Variants in GDF5 observed in about 807,000 individuals in gnomAD.
GDF5 encodes the protein growth differentiation factor 5.
In GDF5, 17 loss-of-function variants were observed where a neutral mutation model predicts 34.6. The observed-to-expected ratio is 0.49, with a 90% confidence interval of 0.34 to 0.74. GDF5 has a LOEUF of 0.74. Among genes scored for constraint, GDF5 ranks in the 30% least tolerant of loss-of-function variants. The pLI is 0.01. For missense variants in GDF5, 616 were observed against 661.2 expected (o/e 0.93, Z 0.75); for synonymous variants, 332 against 290.7 (o/e 1.14, Z -1.44).
upstream of GDF5, among the ~76,000 whole-genome samples, chr20:35,439,516 C>T (rs373469423): frequency 1.3e-5 from 2 of 152,120 alleles, no homozygotes; most frequent in Admixed American, 1.3e-4. Context: ...CGTGAGCCAC[C>T]GCGCCGGGCA....
In GDF5 at chr20:35,454,452, CAAA is replaced by C. The variant is rs5841211; in HGVS notation, c.-398+185_-398+187del. The stretch of plus-strand genomic sequence containing the variant: ...CTGGCGACAGAGCAAGACTCCATTT[CAAA>C]AAAAAAAAAAAAAATTTATACACAA... On this transcript the variant is annotated intron_variant, in intron 1 of 3. Transcript: ENST00000374372. Among the ~76,000 whole-genome samples, 129 of 103,294 alleles carry C rather than the reference CAAA, an allele frequency of 1.2e-3. 1 individual carries two copies. Among genetic ancestry groups the C allele is most frequent in the Non-Finnish European group, 1.1e-3 (54 of 48,202 alleles). The allele number at this position is 103,294 out of a possible 152,430, so 67.8% of individuals were successfully genotyped here. A position where few individuals can be genotyped will look rare whatever the true frequency, so the allele number is the denominator to read the frequency against.
At chr20:35,445,607 T>TGA (rs967828952) in intron 1 of GDF5, among the ~76,000 whole-genome samples, 83 of 151,930 alleles carry the variant, frequency 5.5e-4, no homozygotes, top group African/African-American at 1.9e-3. Flanking sequence ...GAGGTTGCAG[T>TGA]GAGCTGAGAT....
Position 35,433,899 on chromosome 20 carries a change from G to A in GDF5, c.*10C>T. The A allele has an allele frequency of 6.2e-7, 1 of 1,610,704 alleles. No homozygotes were observed. Among genetic ancestry groups the A allele is most frequent in the Non-Finnish European group, 8.5e-7 (1 of 1,176,924 alleles). ...GATGTGCCACCCAGGAAGACAGAGGGCCAGTGCTGCTACCTGCAGCCACAC... is the reference window on the plus strand; with the variant it reads ...GATGTGCCACCCAGGAAGACAGAGGACCAGTGCTGCTACCTGCAGCCACAC... On this transcript the variant is annotated 3_prime_UTR_variant, in exon 2 of 2. Coordinates refer to ENST00000374369, the MANE Select transcript of GDF5 (RefSeq NM_000557.5).
At chr20:35,451,299 G>C (rs889173631) in intron 1 of GDF5, among the ~76,000 whole-genome samples, 1 of 151,736 alleles carries the variant, frequency 6.6e-6, no homozygotes, top group African/African-American at 2.4e-5. Flanking sequence ...TCTAGAGATG[G>C]AATTTAGGAT....
chr20:35,435,185 T>C, intron 1 of GDF5: 1 of 450,820 alleles, frequency 2.2e-6, no homozygotes, highest in Non-Finnish European at 4.1e-6. Context: ...GCACAGTGGC[T>C]CACACCTGCA....
chr20:35,444,993 C>G (rs1463527911), intron 1 of GDF5, among the ~76,000 whole-genome samples: 2 of 152,200 alleles, frequency 1.3e-5, no homozygotes, highest in African/African-American at 4.8e-5. Context: ...CTCAGCCTCC[C>G]AAAGCGCTGG....
In GDF5 at chr20:35,434,518, G is replaced by T; in HGVS notation, c.897C>A (p.Leu299=). 1 of 1,605,202 alleles carries T rather than the reference G, an allele frequency of 6.2e-7. No individual in the cohort carries two copies. The highest frequency in any genetic ancestry group is 1.1e-5 in the South Asian group (1 of 90,450). ...GGGCCGAGTTCTTAAAGTTTCGGAA[G>T]AGCTTCCAGATGTCGAACACCTCCC... The part of the protein sequence containing the change: ...SGWEVFDIWK[L]FRNFKNSAQL... Residue 299 remains leucine, a synonymous_variant, in exon 2 of 2, where the codon CTC becomes CTA. Coordinates refer to ENST00000374369, the MANE Select transcript of GDF5 (RefSeq NM_000557.5).
Position 35,437,418 on chromosome 20 carries a change from C to G in GDF5, c.511G>C (p.Glu171Gln), listed in dbSNP as rs745456918. 3.1e-6 allele frequency: 5 copies of G among 1,613,312 alleles called. No homozygotes were observed. The highest frequency in any genetic ancestry group is 4.2e-6 in the Non-Finnish European group (5 of 1,179,458). Reference protein sequence around the residue: ...PFRPPPITPHEYMLSLYRTLS... With the variant: ...PFRPPPITPHQYMLSLYRTLS... ...GTCCTGTACAGCGAGAGCATGTACT[C>G]GTGGGGTGTGATGGGGGGTGGGCGA... The change falls in exon 1 of 2, where the codon GAG (glutamate) becomes CAG (glutamine). Residue 171 changes from glutamate (E) to glutamine (Q), a missense_variant. Glu to Gln is a conservative substitution (Grantham distance 29). Coordinates refer to ENST00000374369, the MANE Select transcript of GDF5 (RefSeq NM_000557.5).
intron 1 of GDF5, among the ~76,000 whole-genome samples, chr20:35,436,915 T>C (rs2062474787): frequency 6.6e-6 from 1 of 152,152 alleles, no homozygotes; most frequent in Non-Finnish European, 1.5e-5. Flanking sequence ...TTCTCTGCCG[T>C]CTGAGACCGC....
At chr20:35,435,050 G>C in intron 1 of GDF5, 1 of 619,672 alleles carries the variant, frequency 1.6e-6, no homozygotes, top group Non-Finnish European at 3.0e-6. Context: ...CATGATATAC[G>C]TGTTATCAGA....
chr20:35,434,706 C>A lies in GDF5; in HGVS notation c.709G>T (p.Ala237Ser), dbSNP rs751241018. The change falls in exon 2 of 2, where the codon GCC (alanine) becomes TCC (serine). Residue 237 changes from alanine (A) to serine (S), a missense_variant. Coordinates refer to ENST00000374369, the MANE Select transcript of GDF5 (RefSeq NM_000557.5). Reference sequence around the variant, plus strand: ...TTCTTCCGCAAGATCCGCAGCTCGGCCCCCAGCAGCCCATCCTTCTCCAGG... The same window carrying A: ...TTCTTCCGCAAGATCCGCAGCTCGGACCCCAGCAGCCCATCCTTCTCCAGG... Reference protein sequence around the residue: ...SALEKDGLLGAELRILRKKPS... With the variant: ...SALEKDGLLGSELRILRKKPS... 13 of 1,611,962 alleles carry A rather than the reference C, an allele frequency of 8.1e-6. No homozygotes were observed. In the East Asian group the frequency reaches 2.9e-4, roughly 36 times the overall value.
At position 35,433,644 on chromosome 20, in the gene GDF5, C is replaced by T. The variant is rs2062452559; in HGVS notation, c.*265G>A. ...AAAGCACTGTTTCCTGGGACTCAGT[C>T]CCATTCAGAGTCTGTCTCCCTGGAC... is the stretch of plus-strand genomic sequence containing the variant. On this transcript the variant is annotated 3_prime_UTR_variant, in exon 2 of 2. Coordinates refer to ENST00000374369, the MANE Select transcript of GDF5 (RefSeq NM_000557.5). 1.9e-6 allele frequency: 1 copy of T among 530,934 alleles called. No homozygotes were observed. Among genetic ancestry groups the T allele is most frequent in the Non-Finnish European group, 3.4e-6 (1 of 291,790 alleles). The allele number at this position is 530,934 out of a possible 1,614,324, so 32.9% of individuals were successfully genotyped here.
In GDF5 at chr20:35,434,618, G is replaced by C; in HGVS notation, c.797C>G (p.Ser266Cys). 3 of 1,602,184 alleles carry C rather than the reference G, an allele frequency of 1.9e-6. No homozygotes were observed. Among genetic ancestry groups the C allele is most frequent in the Non-Finnish European group, 2.6e-6 (3 of 1,171,946 alleles). The change falls in exon 2 of 2, where the codon TCC becomes TGC. Residue 266 changes from serine (S) to cysteine (C), a missense_variant. Physicochemically the swap from Ser to Cys is moderately radical, Grantham distance 112. Coordinates refer to ENST00000374369, the MANE Select transcript of GDF5 (RefSeq NM_000557.5). ...GGGRAAQLKL[S>C]SCPSGRQPAA... Reference sequence around the variant, plus strand: ...CGGCTGCCGGCCGCTGGGGCAGCTGGACAGCTTCAGCTGGGCAGCCCGCCC... The same window carrying C: ...CGGCTGCCGGCCGCTGGGGCAGCTGCACAGCTTCAGCTGGGCAGCCCGCCC...
At chr20:35,439,449 G>T (rs541588614), upstream of GDF5, among the ~76,000 whole-genome samples, 11 of 152,070 alleles carry the variant, frequency 7.2e-5, no homozygotes, top group South Asian at 2.1e-3. Context: ...GGATGGTCTC[G>T]ATCTCCTGAC....
At chr20:35,442,390 C>T (rs1465795616), upstream of GDF5, among the ~76,000 whole-genome samples, 1 of 151,744 alleles carries the variant, frequency 6.6e-6, no homozygotes, top group Admixed American at 6.6e-5. Context: ...AGGTGATCCA[C>T]AAAAAAGCAT....
chr20:35,436,819 T>C (rs995222156), intron 1 of GDF5, among the ~76,000 whole-genome samples: 4 of 152,152 alleles, frequency 2.6e-5, no homozygotes, highest in Admixed American at 1.3e-4. Context: ...AGATGCCCCA[T>C]TTACTGTGTG....
chr20:35,446,522 C>T (rs1239588059), intron 1 of GDF5, among the ~76,000 whole-genome samples: 2 of 149,182 alleles, frequency 1.3e-5, no homozygotes, highest in Non-Finnish European at 3.0e-5. Context: ...ACTGCAGCCT[C>T]GAACTCCTGA....
At chr20:35,447,150 C>A (rs2062516640) in intron 1 of GDF5, among the ~76,000 whole-genome samples, 1 of 151,928 alleles carries the variant, frequency 6.6e-6, no homozygotes. Context: ...GTATGCTGCA[C>A]CCATTAACTC....
At position 35,434,704 on chromosome 20, in the gene GDF5, G is replaced by A. The variant is rs529192117; in HGVS notation, c.711C>T (p.Ala237=). 23 of 1,612,344 alleles carry A rather than the reference G, an allele frequency of 1.4e-5. No homozygotes were observed. Among genetic ancestry groups the A allele is most frequent in the African/African-American group, 4.0e-5 (3 of 75,024 alleles). ...SALEKDGLLG[A]ELRILRKKPS... is the part of the protein sequence containing the mutation. ...GCTTCTTCCGCAAGATCCGCAGCTC[G>A]GCCCCCAGCAGCCCATCCTTCTCCA... Residue 237 remains alanine (A), a synonymous_variant, in exon 2 of 2, where the codon GCC becomes GCT. Transcript: ENST00000374369.
Sources: gnomAD v4.1 joint callset for allele counts (sites outside exome capture counted in the v4.1 genomes callset) on GRCh38, gnomAD v4.1.1 for gene constraint, MANE v1.5 for transcripts, NCBI Gene and HGNC (gene_info 2026-07-23, HGNC 2026-07-21) for gene names.